Variants in SASS6 observed in about 807,000 individuals in gnomAD.
SASS6 encodes SAS-6 centriolar assembly protein, also known as spindle assembly abnormal protein 6 homolog.
In SASS6, 59 loss-of-function variants were observed where a neutral mutation model predicts 94.9. That is an observed-to-expected ratio of 0.62 (90% CI 0.50 to 0.77). SASS6 has a LOEUF of 0.77. Among genes scored for constraint, SASS6 ranks in the 30% least tolerant of loss-of-function variants. The pLI is 0.00. For missense variants in SASS6, 698 were observed against 734.1 expected (o/e 0.95, Z 0.57); for synonymous variants, 264 against 270.0 (o/e 0.98, Z 0.22).
chr1:100,119,257 A>G, intron 6 of SASS6, 120 bp from the exon 7 acceptor site: 1 of 496,002 alleles, frequency 2.0e-6, no homozygotes, highest in Non-Finnish European at 3.2e-6. Flanking sequence ...TTTTCAGGAC[A>G]TGTTCAAAGC....
At chr1:100,130,599 G>A in intron 1 of SASS6, among the ~76,000 whole-genome samples, 1 of 151,870 alleles carries the variant, frequency 6.6e-6, no homozygotes, top group East Asian at 1.9e-4. Flanking sequence ...TAAGGTGAGG[G>A]GAACCCTTGG....
chr1:100,093,180 T>TC (rs1651867450), intron 14 of SASS6, among the ~76,000 whole-genome samples: 4 of 137,334 alleles, frequency 2.9e-5, no homozygotes, highest in Non-Finnish European at 3.2e-5. Flanking sequence ...TTTTCTTTTT[T>TC]TTTTTTTTTT....
chr1:100,087,742 A>G (rs980154033), intron 15 of SASS6, among the ~76,000 whole-genome samples: 1 of 152,222 alleles, frequency 6.6e-6, no homozygotes, highest in Non-Finnish European at 1.5e-5. Context: ...AATAAATCAG[A>G]AAAATGGAGA....
At chr1:100,124,425 G>C (rs1654420071) in intron 2 of SASS6, among the ~76,000 whole-genome samples, 1 of 152,224 alleles carries the variant, frequency 6.6e-6, no homozygotes, top group Non-Finnish European at 1.5e-5. Context: ...CTGTCGCCCA[G>C]TCTAGGTTGC....
At position 100,124,984 on chromosome 1, in the gene SASS6, G is replaced by A. The variant is rs1263853407; in HGVS notation, c.126+898C>T. The stretch of plus-strand genomic sequence containing the variant: ...CCTGCCACTCACCTCCTGCTGTGCA[G>A]CCTGGCTCCTAACAGGCCACAGACC... On this transcript the variant is annotated intron_variant, in intron 2 of 16. Coordinates refer to ENST00000287482, the MANE Select transcript of SASS6 (RefSeq NM_194292.3). Among the ~76,000 whole-genome samples, 5 of 152,248 alleles carry A rather than the reference G, an allele frequency of 3.3e-5. 1 individual carries two copies. Among genetic ancestry groups the A allele is most frequent in the Non-Finnish European group, 1.5e-5 (1 of 68,018 alleles).
chr1:100,105,457 G>A (rs1039105255), intron 13 of SASS6, among the ~76,000 whole-genome samples: 1 of 151,926 alleles, frequency 6.6e-6, no homozygotes, highest in Admixed American at 6.6e-5. Context: ...AACCCGGGAG[G>A]CGGAGCTTGC....
At chr1:100,119,691 T>C (rs369963951) in intron 6 of SASS6, among the ~76,000 whole-genome samples, 9 of 152,184 alleles carry the variant, frequency 5.9e-5, no homozygotes, top group Non-Finnish European at 1.0e-4. Context: ...TTAGTTCATA[T>C]GAGATCTGGA....
At chr1:100,131,146 T>C (rs1654985009) in intron 1 of SASS6, among the ~76,000 whole-genome samples, 1 of 152,128 alleles carries the variant, frequency 6.6e-6, no homozygotes. Flanking sequence ...AGATACAATG[T>C]AAGCCACAAA....
At chr1:100,087,323 A>G (rs1398351607) in intron 15 of SASS6, among the ~76,000 whole-genome samples, 1 of 152,210 alleles carries the variant, frequency 6.6e-6, no homozygotes, top group Middle Eastern at 3.2e-3. Context: ...GATCCAATGA[A>G]TAAAAGCTAG....
chr1:100,088,711 C>T (rs1651474432), intron 14 of SASS6, among the ~76,000 whole-genome samples: 1 of 151,980 alleles, frequency 6.6e-6, no homozygotes, highest in South Asian at 2.1e-4. Context: ...TGTGGTAGTG[C>T]ACACCTGTAG....
rs1651086106 is a variant in SASS6 at position 100,084,520 on chromosome 1, T to C, written c.*808A>G. On this transcript the variant is annotated 3_prime_UTR_variant, in exon 17 of 17. Coordinates refer to ENST00000287482, the MANE Select transcript of SASS6 (RefSeq NM_194292.3). ...AACCCAAGTTCTGATACTATAAAAA[T>C]AAATGAATATTCATGATATAGTAGA... is the stretch of plus-strand genomic sequence containing the variant. 1 of 152,234 alleles carries C rather than the reference T, an allele frequency of 6.6e-6. No homozygotes were observed. Among genetic ancestry groups the C allele is most frequent in the East Asian group, 1.9e-4 (1 of 5,190 alleles). The allele number at this position is 152,234 out of a possible 1,614,324, so 9.4% of individuals were successfully genotyped here. A position where few individuals can be genotyped will look rare whatever the true frequency, so the allele number is the denominator to read the frequency against.
At chr1:100,132,642 G>T in intron 1 of SASS6, 108 bp downstream of exon 1, 1 of 932,356 alleles carries the variant, frequency 1.1e-6, no homozygotes, top group South Asian at 1.3e-5. Context: ...TAGGGGGGCC[G>T]ACTCGACACC....
intron 14 of SASS6, among the ~76,000 whole-genome samples, chr1:100,088,684 G>A (rs1393119250): frequency 2.6e-5 from 4 of 151,952 alleles, no homozygotes; most frequent in African/African-American, 7.2e-5. Context: ...GGTGGCTCAC[G>A]CCTGTAATTC....
chr1:100,125,302 T>C (rs1056341755), intron 2 of SASS6, among the ~76,000 whole-genome samples: 1 of 150,522 alleles, frequency 6.6e-6, no homozygotes. Flanking sequence ...TTATTATATA[T>C]ATATAATATG....
At chr1:100,124,804 T>A (rs1374446186) in intron 2 of SASS6, among the ~76,000 whole-genome samples, 3 of 152,222 alleles carry the variant, frequency 2.0e-5, no homozygotes, top group Non-Finnish European at 4.4e-5. Context: ...GGATGAAACT[T>A]CCACCTCAGA....
In SASS6 at chr1:100,084,436, G is replaced by A. The variant is rs1315683197; in HGVS notation, c.*892C>T. 6.6e-6 allele frequency: 1 copy of A among 152,016 alleles called. No homozygotes were observed. Among genetic ancestry groups the A allele is most frequent in the Non-Finnish European group, 1.5e-5 (1 of 67,932 alleles). The allele number at this position is 152,016 out of a possible 1,614,324, so 9.4% of individuals were successfully genotyped here. ...TTAAAACTTTCAGTTACAGGGAAGA[G>A]AAGAAAATTGTACCTTCTAACAGTT... On this transcript the variant is annotated 3_prime_UTR_variant, in exon 17 of 17. Transcript: ENST00000287482.
At chr1:100,092,529 G>T (rs1360567473) in intron 14 of SASS6, among the ~76,000 whole-genome samples, 2 of 152,152 alleles carry the variant, frequency 1.3e-5, no homozygotes, top group East Asian at 3.9e-4. Flanking sequence ...TAAACACTGG[G>T]TAATATAACG....
chr1:100,119,099 C>A lies in SASS6; in HGVS notation c.588G>T (p.Arg196=). The A allele has an allele frequency of 6.3e-7, 1 of 1,578,282 alleles. No homozygotes were observed. ...AEKKQELDKL[R]NEWASHTAAL... is the part of the protein sequence containing the mutation. ...CTGCTGTATGTGACGCCCATTCATTCCGTAACTTATCTAATTCTTGTTTTT... is the reference window on the plus strand; with the variant it reads ...CTGCTGTATGTGACGCCCATTCATTACGTAACTTATCTAATTCTTGTTTTT... Residue 196 remains arginine (R), a synonymous_variant, in exon 7 of 17, where the codon CGG becomes CGT. Transcript: ENST00000287482.
At chr1:100,104,084 G>C (rs778139297) in intron 13 of SASS6, among the ~76,000 whole-genome samples, 4 of 152,178 alleles carry the variant, frequency 2.6e-5, no homozygotes, top group Non-Finnish European at 5.9e-5. Context: ...GGGAAATGGG[G>C]ATAAATGTAT....
Sources: gnomAD v4.1 joint callset for allele counts (sites outside exome capture counted in the v4.1 genomes callset) on GRCh38, gnomAD v4.1.1 for gene constraint, MANE v1.5 for transcripts, NCBI Gene and HGNC (gene_info 2026-07-23, HGNC 2026-07-21) for gene names.